CAPN3: variants seen among roughly 807,000 people sequenced by gnomAD.
CAPN3 encodes the protein calpain-3.
In CAPN3, 88 loss-of-function variants were observed where a neutral mutation model predicts 114.0. The observed-to-expected ratio is 0.77, with a 90% CI of 0.65 to 0.92. The LOEUF is 0.92. Ranked by LOEUF, CAPN3 falls within the 40% of genes least tolerant of loss-of-function variation. The pLI, the probability that CAPN3 is intolerant of heterozygous loss-of-function variation, is 0.00. For missense variants in CAPN3, 1,028 were observed against 1,069.0 expected (o/e 0.96, Z 0.53); for synonymous variants, 386 against 382.9 (o/e 1.01, Z -0.09).
intron 14 of CAPN3, chr15:42,404,916 G>C: frequency 2.0e-6 from 2 of 1,006,138 alleles, no homozygotes; most frequent in African/African-American, 1.7e-5. Flanking sequence ...TATTGATCAG[G>C]ACCTGCAAAC....
At chr15:42,403,813 A>G (rs755520957) in intron 14 of CAPN3, 36 bp downstream of exon 14, 14 of 1,602,410 alleles carry the variant, frequency 8.7e-6, no homozygotes, top group Non-Finnish European at 1.2e-5. Context: ...AAAAGTCCAG[A>G]GGGTCCCCTT....
rs1047452531 is a variant in CAPN3 at position 42,398,672 on chromosome 15, C to T, written c.1194-820C>T. 7.2e-3 allele frequency among the ~76,000 whole-genome samples: 1,044 copies of T among 145,062 alleles called. 15 individuals carry two copies. Among genetic ancestry groups the T allele is most frequent in the African/African-American group, 0.028 (1,007 of 36,294 alleles). On this transcript the variant is annotated intron_variant, in intron 9 of 23. Coordinates refer to ENST00000397163, the MANE Select transcript of CAPN3 (RefSeq NM_000070.3). ...ACATATATATACACACACATATACACACACACACGTCTGTATATATATGTG... is the reference window on the plus strand; with the variant it reads ...ACATATATATACACACACATATACATACACACACGTCTGTATATATATGTG...
intron 1 of CAPN3, among the ~76,000 whole-genome samples, chr15:42,361,388 T>C (rs8027800): frequency 0.038 from 5,802 of 152,210 alleles, 339 homozygotes; most frequent in African/African-American, 0.12. Flanking sequence ...GGAAGATCAC[T>C]TGAACTCGGG....
intron 19 of CAPN3, 67 bp downstream of exon 19, chr15:42,410,062 G>C (rs1180947669): frequency 4.1e-6 from 6 of 1,465,446 alleles, no homozygotes; most frequent in African/African-American, 2.8e-5. Context: ...CAACATACAG[G>C]GTGCCCAGTC....
intron 1 of CAPN3, among the ~76,000 whole-genome samples, chr15:42,365,099 G>C (rs1397409806): frequency 1.3e-5 from 2 of 152,158 alleles, no homozygotes; most frequent in Non-Finnish European, 1.5e-5. Context: ...TCCTGTCTCT[G>C]GTGCTAGGTG....
At chr15:42,409,529 CA>C (rs1386843284) in intron 17 of CAPN3, 149 bp downstream of exon 17, 1 of 933,484 alleles carries the variant, frequency 1.1e-6, no homozygotes, top group Non-Finnish European at 1.7e-6. Flanking sequence ...CACAAATCCA[CA>C]AGCCCTTGAG....
chr15:42,396,828 G>C lies in CAPN3; in HGVS notation c.1144G>C (p.Asp382His). 1 of 1,614,120 alleles carries C rather than the reference G, an allele frequency of 6.2e-7. No homozygotes were observed. Among genetic ancestry groups the C allele is most frequent in the Non-Finnish European group, 8.5e-7 (1 of 1,179,978 alleles). ...GAAGGACTGGAGCTTTGTGGACAAA[G>C]ATGAGAAGGCCCGTCTGCAGCACCA... ...RWKDWSFVDK[D>H]EKARLQHQVT... Residue 382 changes from aspartate to histidine, a missense_variant, in exon 9 of 24, where the codon GAT becomes CAT. Asp to His is a moderately conservative substitution (Grantham distance 81). Coordinates refer to ENST00000397163, the MANE Select transcript of CAPN3 (RefSeq NM_000070.3).
chr15:42,368,935 C>T (rs541614476), intron 1 of CAPN3, among the ~76,000 whole-genome samples: 2 of 152,180 alleles, frequency 1.3e-5, no homozygotes, highest in Admixed American at 6.5e-5. Flanking sequence ...GCCTATAGTC[C>T]TAGCTGTAAG....
chr15:42,392,938 C>T (rs1165340231), intron 7 of CAPN3, among the ~76,000 whole-genome samples: 4 of 152,216 alleles, frequency 2.6e-5, no homozygotes, highest in African/African-American at 4.8e-5. Flanking sequence ...CTTTGCTTTT[C>T]GTGCTAAAGA....
At chr15:42,407,109 G>A (rs1221446007) in intron 15 of CAPN3, among the ~76,000 whole-genome samples, 2 of 152,072 alleles carry the variant, frequency 1.3e-5, no homozygotes, top group Admixed American at 6.5e-5. Context: ...CAGGTGCACC[G>A]CATCCACAGT....
intron 19 of CAPN3, 91 bp downstream of exon 19, chr15:42,410,086 T>A: frequency 8.5e-7 from 1 of 1,173,816 alleles, no homozygotes; most frequent in Non-Finnish European, 1.3e-6. Context: ...CAAAGGGCCC[T>A]AATTTGTGCC....
intron 23 of CAPN3, 51 bp from the exon 24 acceptor site, chr15:42,411,696 G>GT (rs1555423388): frequency 1.4e-5 from 11 of 803,500 alleles, no homozygotes; most frequent in South Asian, 2.8e-5. Flanking sequence ...GGCGGGGGGG[G>GT]GGGGGGTCAC....
At chr15:42,378,799 C>T (rs899840152) in intron 1 of CAPN3, among the ~76,000 whole-genome samples, 3 of 152,062 alleles carry the variant, frequency 2.0e-5, no homozygotes, top group Non-Finnish European at 2.9e-5. Flanking sequence ...CCTTTAAACA[C>T]TGCTTTTGTT....
intron 3 of CAPN3, 90 bp downstream of exon 3, chr15:42,386,375 C>A: frequency 2.2e-6 from 2 of 907,856 alleles, no homozygotes; most frequent in Non-Finnish European, 3.7e-6. Context: ...CTGGAGGAAA[C>A]TTCCCACCCA....
intron 6 of CAPN3, 41 bp downstream of exon 6, chr15:42,390,137 A>G: frequency 6.2e-7 from 1 of 1,611,160 alleles, no homozygotes. Flanking sequence ...CATCCCTCCA[A>G]CCCACATGAC....
intron 1 of CAPN3, among the ~76,000 whole-genome samples, chr15:42,365,097 C>G (rs2052744680): frequency 6.6e-6 from 1 of 152,212 alleles, no homozygotes; most frequent in Admixed American, 6.5e-5. Flanking sequence ...CCTCCTGTCT[C>G]TGGTGCTAGG....
At chr15:42,411,170 G>A (rs1275517377) in intron 22 of CAPN3, 117 bp from the exon 23 acceptor site, 2 of 1,037,738 alleles carry the variant, frequency 1.9e-6, no homozygotes, top group African/African-American at 3.1e-5. Context: ...TTCTCTGCCT[G>A]CACATCTTTG....
At chr15:42,380,121 T>C (rs2053197338) in intron 1 of CAPN3, among the ~76,000 whole-genome samples, 1 of 152,040 alleles carries the variant, frequency 6.6e-6, no homozygotes. Context: ...ATAAAGTGGG[T>C]TTCTTGCAGA....
At chr15:42,396,359 T>C (rs1227081592) in intron 8 of CAPN3, among the ~76,000 whole-genome samples, 2 of 151,748 alleles carry the variant, frequency 1.3e-5, no homozygotes, top group African/African-American at 4.8e-5. Context: ...TCTTCTGCCT[T>C]AGCCTCCTGA....
Sources: gnomAD v4.1 joint callset for allele counts (sites outside exome capture counted in the v4.1 genomes callset) on GRCh38, gnomAD v4.1.1 for gene constraint, MANE v1.5 for transcripts, NCBI Gene and HGNC (gene_info 2026-07-23, HGNC 2026-07-21) for gene names.